The following TERB1 variants were observed in gnomAD, a reference collection of about 807,000 sequenced individuals.
TERB1 encodes telomere repeat binding bouquet formation protein 1, also known as telomere repeats-binding bouquet formation protein 1.
In TERB1, 63 loss-of-function variants were observed where a neutral mutation model predicts 92.3. That is an observed-to-expected ratio of 0.68 (90% CI 0.56 to 0.84). The LOEUF (loss-of-function observed/expected upper bound fraction) is 0.84, where lower values mean the gene tolerates loss of function less well. Ranked by LOEUF, TERB1 falls within the 40% of genes least tolerant of loss-of-function variation. The pLI, the probability that TERB1 is intolerant of heterozygous loss-of-function variation, is 0.00. For missense variants in TERB1, 709 were observed against 843.7 expected (o/e 0.84, Z 1.98); for synonymous variants, 252 against 283.9 (o/e 0.89, Z 1.13).
chr16:66,785,121 G>A (rs188787708), intron 9 of TERB1, among the ~76,000 whole-genome samples: 111 of 150,864 alleles, frequency 7.4e-4, no homozygotes, highest in Admixed American at 1.7e-3. Flanking sequence ...CTGGGCTCAC[G>A]CGATTCTCCT....
rs1162129239 is a variant in TERB1 at position 66,772,871 on chromosome 16, T to C, written c.1112-122A>G. On this transcript the variant is annotated intron_variant, in intron 12 of 18. Coordinates refer to ENST00000433154, the MANE Select transcript of TERB1 (RefSeq NM_001136505.2). ...TTCCATCCAGACTATCTTAACAGCTTAATTGGTACTGAAAAGTAAGTGGAA... is the reference window on the plus strand; with the variant it reads ...TTCCATCCAGACTATCTTAACAGCTCAATTGGTACTGAAAAGTAAGTGGAA... 8.5e-6 allele frequency: 6 copies of C among 702,020 alleles called. No homozygotes were observed. The Admixed American group carries it at 1.2e-4, about 15-fold the overall frequency. 43.5% of individuals were successfully genotyped at this position (702,020 alleles called of 1,614,324 possible).
At chr16:66,792,687 T>C (rs1321345924) in intron 3 of TERB1, among the ~76,000 whole-genome samples, 1 of 152,206 alleles carries the variant, frequency 6.6e-6, no homozygotes, top group Non-Finnish European at 1.5e-5. Context: ...AGACTTTACT[T>C]ACACAAACCT....
chr16:66,761,168 T>C (rs116437534), intron 16 of TERB1, among the ~76,000 whole-genome samples: 8,715 of 150,016 alleles, frequency 0.058, 497 homozygotes, highest in African/African-American at 0.16. Flanking sequence ...AAAGAGCATC[T>C]AGGCTGGGTG....
At chr16:66,776,096 G>A (rs1242544811) in intron 11 of TERB1, among the ~76,000 whole-genome samples, 4 of 151,904 alleles carry the variant, frequency 2.6e-5, no homozygotes, top group Non-Finnish European at 4.4e-5. Context: ...TTGGGAGGCC[G>A]AGGCAGGCGG....
At chr16:66,755,207 G>A in intron 18 of TERB1, 44 bp from the exon 19 acceptor site, 1 of 1,242,446 alleles carries the variant, frequency 8.0e-7, no homozygotes. Flanking sequence ...GCTGAACAAA[G>A]GTCCTGAGAT....
intron 18 of TERB1, among the ~76,000 whole-genome samples, chr16:66,757,233 T>C (rs910833136): frequency 3.9e-5 from 6 of 152,078 alleles, no homozygotes; most frequent in African/African-American, 1.2e-4. Context: ...AAGTCTTACC[T>C]ACAAAAAAAA....
At chr16:66,780,385 C>T (rs1189757673) in intron 9 of TERB1, among the ~76,000 whole-genome samples, 1 of 143,102 alleles carries the variant, frequency 7.0e-6, no homozygotes, top group Non-Finnish European at 1.5e-5. Context: ...CATAGTGAGA[C>T]CCCATCTCTA....
chr16:66,779,255 T>G (rs1237261860), intron 9 of TERB1, among the ~76,000 whole-genome samples: 30 of 152,222 alleles, frequency 2.0e-4, no homozygotes, highest in Admixed American at 2.0e-3. Context: ...GAAATCTTTT[T>G]TGTTTCATTT....
At chr16:66,755,325 A>T (rs1483392819) in intron 18 of TERB1, among the ~76,000 whole-genome samples, 162 bp from the exon 19 acceptor site, 2 of 152,222 alleles carry the variant, frequency 1.3e-5, no homozygotes, top group African/African-American at 4.8e-5. Context: ...TCAATTTTAA[A>T]AACCTGAGTG....
At chr16:66,796,891 T>G (rs1432463840) in intron 2 of TERB1, 61 bp from the exon 3 acceptor site, 53 of 839,040 alleles carry the variant, frequency 6.3e-5, no homozygotes, top group Non-Finnish European at 9.4e-5. Flanking sequence ...AAGATATAAG[T>G]ACAAATGGGC....
chr16:66,768,237 T>A, intron 14 of TERB1, 69 bp from the exon 15 acceptor site: 1 of 1,224,256 alleles, frequency 8.2e-7, no homozygotes, highest in Non-Finnish European at 1.2e-6. Flanking sequence ...AATGTTTCTG[T>A]AAGCAGTGTT....
chr16:66,785,811 A>G lies in TERB1; in HGVS notation c.675T>C (p.Phe225=). ...TGTTATTTGCAAGAGTGAGTCCAAT[A>G]AATGAGCAAATAGGGCGAATTATCT... ...TPEIIRPICS[F]IGLTLANNTY... Residue 225 remains phenylalanine, a synonymous_variant, in exon 9 of 19, where the codon TTT becomes TTC. Transcript: ENST00000433154. 6.5e-7 allele frequency: 1 copy of G among 1,547,006 alleles called. No homozygotes were observed. Among genetic ancestry groups the G allele is most frequent in the Non-Finnish European group, 8.7e-7 (1 of 1,144,902 alleles).
At position 66,770,232 on chromosome 16, in the gene TERB1, G is replaced by C. The variant is rs576039307; in HGVS notation, c.1350C>G (p.Leu450=). The change falls in exon 14 of 19, where the codon CTC becomes CTG. Residue 450 remains leucine, a synonymous_variant. Coordinates refer to ENST00000433154, the MANE Select transcript of TERB1 (RefSeq NM_001136505.2). ...NISIQNTWKH[L]HADRIGRGSK... is the part of the protein sequence containing the mutation. ...TACCTCGACCAATCCGATCTGCATGGAGATGTTTCCATGTATTCTGAATAC... is the reference window on the plus strand; with the variant it reads ...TACCTCGACCAATCCGATCTGCATGCAGATGTTTCCATGTATTCTGAATAC... 1 of 1,552,164 alleles carries C rather than the reference G, an allele frequency of 6.4e-7. No individual in the cohort carries two copies. Among genetic ancestry groups the C allele is most frequent in the East Asian group, 2.4e-5 (1 of 40,904 alleles).
chr16:66,761,097 G>T (rs1424103921), intron 16 of TERB1, among the ~76,000 whole-genome samples: 2 of 124,492 alleles, frequency 1.6e-5, no homozygotes, highest in African/African-American at 6.1e-5. Context: ...GCGACAGAGC[G>T]AGACTCCACC....
At chr16:66,790,228 G>GAAAAGGGAAGGGAAGGA (rs768392416) in intron 5 of TERB1, among the ~76,000 whole-genome samples, 10 of 143,440 alleles carry the variant, frequency 7.0e-5, no homozygotes, top group Non-Finnish European at 1.2e-4. Flanking sequence ...AAAAGACAGG[G>GAAAAGGGAAGGGAAGGA]AAAAGGGAAG....
chr16:66,778,068 G>A (rs2145165977), intron 10 of TERB1, among the ~76,000 whole-genome samples: 1 of 152,214 alleles, frequency 6.6e-6, no homozygotes, highest in African/African-American at 2.4e-5. Flanking sequence ...AATAATAATA[G>A]AGTTTCTTAC....
At chr16:66,776,483 A>G (rs774109382) in intron 11 of TERB1, among the ~76,000 whole-genome samples, 6 of 152,196 alleles carry the variant, frequency 3.9e-5, no homozygotes, top group Non-Finnish European at 8.8e-5. Context: ...TCAATCCTAA[A>G]TTACACAGAG....
rs142125507 is a variant in TERB1 at position 66,778,021 on chromosome 16, A to T, written c.854-687T>A. Among the ~76,000 whole-genome samples, 115 of 152,310 alleles carry T rather than the reference A, an allele frequency of 7.6e-4. No individual in the cohort carries two copies. The East Asian group carries it at 0.019, about 25-fold the overall frequency. ...AGCAGGTCCTCAATAACCACTTTTT[A>T]AAAAACCATCTATTTTTTGCTCCCT... is the stretch of plus-strand genomic sequence containing the variant. On this transcript the variant is annotated intron_variant, in intron 10 of 18. Coordinates refer to ENST00000433154, the MANE Select transcript of TERB1 (RefSeq NM_001136505.2).
intron 9 of TERB1, among the ~76,000 whole-genome samples, chr16:66,784,603 G>T (rs1243904503): frequency 6.6e-6 from 1 of 152,024 alleles, no homozygotes; most frequent in Non-Finnish European, 1.5e-5. Context: ...AAAGTGCTGG[G>T]ATTACAGGTG....
Sources: allele counts gnomAD v4.1 joint callset (sites outside exome capture counted in the v4.1 genomes callset), GRCh38; gene constraint gnomAD v4.1.1; transcripts MANE v1.5; gene names NCBI Gene and HGNC (gene_info 2026-07-23, HGNC 2026-07-21).